UMAD1: variants seen among roughly 807,000 people sequenced by gnomAD.
The protein encoded by UMAD1 is UBAP1-MVB12-associated (UMA) domain containing 1.
In UMAD1, 8 loss-of-function variants were observed where a neutral mutation model predicts 6.1. The observed-to-expected ratio is 1.30, with a 90% CI of 0.76 to 2.35. The LOEUF (loss-of-function observed/expected upper bound fraction) is 2.35. UMAD1 is among the 30% of genes most tolerant of loss of function. The probability of loss-of-function intolerance (pLI) is 0.00; values close to 1 mark genes in which losing one functional copy is unlikely to be tolerated. For missense variants in UMAD1, 130 were observed against 78.4 expected (o/e 1.66, Z -2.49); for synonymous variants, 56 against 31.4 (o/e 1.78, Z -2.61).
At chr7:7,713,841 T>A (rs1309917975) in intron 2 of UMAD1, among the ~76,000 whole-genome samples, 1 of 152,160 alleles carries the variant, frequency 6.6e-6, no homozygotes, top group African/African-American at 2.4e-5. Flanking sequence ...TTAAAAAAAT[T>A]TTTTCTAGAG....
rs116003252 is a variant in UMAD1, at chr7:7,783,150, C to G, written c.83-18520C>G. Among the ~76,000 whole-genome samples the G allele has an allele frequency of 1.1e-3, 172 of 152,280 alleles. 1 individual carries two copies. Among genetic ancestry groups the G allele is most frequent in the African/African-American group, 3.9e-3 (161 of 41,564 alleles). On this transcript the variant is annotated intron_variant, in intron 2 of 3. Transcript: ENST00000682710. ...TTTTTAGGAAGAGACTATCTAGGGT[C>G]TCATTTAATCCTTGTAAGAGACAGG...
At chr7:7,800,704 A>G (rs1485387957) in intron 2 of UMAD1, among the ~76,000 whole-genome samples, 3 of 152,186 alleles carry the variant, frequency 2.0e-5, no homozygotes, top group Non-Finnish European at 4.4e-5. Flanking sequence ...CCATGAGTAA[A>G]CTAAACTTTT....
chr7:7,849,881 GAGTT>G, intron 3 of UMAD1, among the ~76,000 whole-genome samples: 1 of 152,200 alleles, frequency 6.6e-6, no homozygotes, highest in Admixed American at 6.6e-5. Context: ...AGACTTTTAA[GAGTT>G]AGGAGGATAT....
chr7:7,659,555 G>A (rs745665501), intron 1 of UMAD1, among the ~76,000 whole-genome samples: 1 of 152,020 alleles, frequency 6.6e-6, no homozygotes, highest in Non-Finnish European at 1.5e-5. Context: ...CCTTAATTTC[G>A]TTATTTACCC....
chr7:7,768,159 C>T (rs187621037), intron 2 of UMAD1, among the ~76,000 whole-genome samples: 1 of 151,738 alleles, frequency 6.6e-6, no homozygotes, highest in Non-Finnish European at 1.5e-5. Context: ...TTTTATATGC[C>T]CAATACCCTG....
At chr7:7,652,335 C>T (rs13242410) in intron 1 of UMAD1, among the ~76,000 whole-genome samples, 1 of 152,222 alleles carries the variant, frequency 6.6e-6, no homozygotes, top group South Asian at 2.1e-4. Flanking sequence ...TTGACTCAGA[C>T]TTTGAGATAT....
chr7:7,667,196 C>T (rs1476046234), intron 1 of UMAD1, among the ~76,000 whole-genome samples: 1 of 152,156 alleles, frequency 6.6e-6, no homozygotes, highest in East Asian at 1.9e-4. Flanking sequence ...GGTTCTAGCT[C>T]AGATAGGTAA....
chr7:7,679,702 T>A (rs1039188171), intron 2 of UMAD1, among the ~76,000 whole-genome samples: 2 of 132,254 alleles, frequency 1.5e-5, no homozygotes, highest in Non-Finnish European at 3.1e-5. Flanking sequence ...TATATTTAAT[T>A]TATAGATAAA....
At chr7:7,664,823 A>G (rs890381358) in intron 1 of UMAD1, among the ~76,000 whole-genome samples, 5 of 152,308 alleles carry the variant, frequency 3.3e-5, no homozygotes, top group African/African-American at 1.2e-4. Flanking sequence ...TCTGTACTGT[A>G]TTGGTATCTC....
chr7:7,660,110 C>G (rs1785437853), intron 1 of UMAD1, among the ~76,000 whole-genome samples: 2 of 152,206 alleles, frequency 1.3e-5, no homozygotes, highest in African/African-American at 2.4e-5. Context: ...TTATCAGAGA[C>G]TACGATTGCA....
At chr7:7,815,979 A>G (rs10262741) in intron 3 of UMAD1, among the ~76,000 whole-genome samples, 140,876 of 152,204 alleles carry the variant, frequency 0.93, 65,337 homozygotes, top group African/African-American at 0.98. Flanking sequence ...GATTCTATTT[A>G]GGGCCACGAA....
chr7:7,741,607 ATAATAAT>A (rs1208304308), intron 2 of UMAD1, among the ~76,000 whole-genome samples: 3 of 148,350 alleles, frequency 2.0e-5, no homozygotes, highest in Admixed American at 6.8e-5. Context: ...AATAATAATA[ATAATAAT>A]AAAAATAATA....
At chr7:7,783,342 A>G (rs1341527017) in intron 2 of UMAD1, among the ~76,000 whole-genome samples, 1 of 152,198 alleles carries the variant, frequency 6.6e-6, no homozygotes, top group Non-Finnish European at 1.5e-5. Context: ...ATGACTGTAG[A>G]ATTGGAATAT....
At chr7:7,653,038 C>T (rs1299139504) in intron 1 of UMAD1, among the ~76,000 whole-genome samples, 2 of 152,190 alleles carry the variant, frequency 1.3e-5, no homozygotes, top group Non-Finnish European at 2.9e-5. Context: ...GACCTCACAT[C>T]CCATGACTTA....
At chr7:7,798,701 C>G (rs531587077) in intron 2 of UMAD1, among the ~76,000 whole-genome samples, 1 of 152,160 alleles carries the variant, frequency 6.6e-6, no homozygotes, top group African/African-American at 2.4e-5. Context: ...CACCTTGGCC[C>G]TCATGCATTG....
At chr7:7,666,847 C>G (rs1779474646) in intron 1 of UMAD1, among the ~76,000 whole-genome samples, 1 of 151,954 alleles carries the variant, frequency 6.6e-6, no homozygotes, top group Non-Finnish European at 1.5e-5. Flanking sequence ...CTCTTGTTGC[C>G]CAGGCTGGAG....
rs550293743 is a variant in UMAD1 at position 7,687,529 on chromosome 7, G to T, written c.82+14076G>T. Among the ~76,000 whole-genome samples, 9 of 152,298 alleles carry T rather than the reference G, an allele frequency of 5.9e-5. No homozygotes were observed. In the South Asian group the frequency reaches 1.0e-3, roughly 18 times the overall value. ...CACATATAGGCCTTCCCTCAACTCA[G>T]ACTGGAAGGCCGATCTATGCTTATA... On this transcript the variant is annotated intron_variant, in intron 2 of 3. Coordinates refer to ENST00000682710, the MANE Select transcript of UMAD1 (RefSeq NM_001302348.2).
chr7:7,818,233 A>G (rs2115292728), intron 3 of UMAD1, among the ~76,000 whole-genome samples: 1 of 152,236 alleles, frequency 6.6e-6, no homozygotes, highest in Middle Eastern at 3.4e-3. Context: ...TACATGCTGT[A>G]CTTGGTTTTC....
intron 2 of UMAD1, among the ~76,000 whole-genome samples, chr7:7,767,382 C>T (rs1782009768): frequency 6.6e-6 from 1 of 152,114 alleles, no homozygotes; most frequent in South Asian, 2.1e-4. Flanking sequence ...GCCTCGGTCT[C>T]CCAAAGTGCT....
Sources: allele counts gnomAD v4.1 joint callset (sites outside exome capture counted in the v4.1 genomes callset), GRCh38; gene constraint gnomAD v4.1.1; transcripts MANE v1.5; gene names NCBI Gene and HGNC (gene_info 2026-07-23, HGNC 2026-07-21).